ZNF727: variants seen among roughly 807,000 people sequenced by gnomAD.
ZNF727 encodes zinc finger protein 727.
A neutral mutation model predicts 11.5 loss-of-function variants in ZNF727; 11 were observed. The observed-to-expected ratio is 0.95, with a 90% CI of 0.60 to 1.58. ZNF727 has a LOEUF of 1.58. Among genes scored for constraint, ZNF727 ranks in the 40% most tolerant of loss-of-function variants. The pLI is 0.00. For missense variants in ZNF727, 533 were observed against 581.7 expected (o/e 0.92, Z 0.86); for synonymous variants, 171 against 196.1 (o/e 0.87, Z 1.07).
intron 1 of ZNF727, among the ~76,000 whole-genome samples, chr7:64,049,352 C>G (rs532745278): frequency 2.7e-4 from 41 of 151,736 alleles, no homozygotes; most frequent in Middle Eastern, 3.4e-3. Flanking sequence ...ACCTCTAAAC[C>G]CAGCAAGATT....
At chr7:64,051,153 C>T (rs1789591737) in intron 1 of ZNF727, among the ~76,000 whole-genome samples, 1 of 152,002 alleles carries the variant, frequency 6.6e-6, no homozygotes, top group African/African-American at 2.4e-5. Flanking sequence ...AACAAAGCAA[C>T]AAAAGTTTCC....
At chr7:64,050,388 T>C (rs973061741) in intron 1 of ZNF727, among the ~76,000 whole-genome samples, 1 of 152,062 alleles carries the variant, frequency 6.6e-6, no homozygotes, top group Non-Finnish European at 1.5e-5. Context: ...ACCCACAACT[T>C]CCGGGGCTTC....
Position 64,082,022 on chromosome 7 carries a change from G to A in ZNF727, c.*3473G>A, listed in dbSNP as rs951534622. Among the ~76,000 whole-genome samples the A allele has an allele frequency of 1.3e-5, 2 of 152,120 alleles. No homozygotes were observed. The highest frequency in any genetic ancestry group is 2.9e-5 in the Non-Finnish European group (2 of 68,026). On this transcript the variant is annotated 3_prime_UTR_variant, in exon 4 of 4. Coordinates refer to ENST00000456806, the MANE Select transcript of ZNF727 (RefSeq NM_001159522.3). ...GGGGTTCACTGGTAATGAGCAGTGG[G>A]TAGTTTGTGGGACCCATGGAGGATG...
chr7:64,047,424 C>G (rs1217066374), intron 1 of ZNF727, among the ~76,000 whole-genome samples: 1 of 152,228 alleles, frequency 6.6e-6, no homozygotes, highest in East Asian at 1.9e-4. Context: ...TCACCTGACG[C>G]TCTGCGCATC....
At chr7:64,072,821 T>C (rs1789983011) in intron 3 of ZNF727, among the ~76,000 whole-genome samples, 1 of 152,134 alleles carries the variant, frequency 6.6e-6, no homozygotes, top group African/African-American at 2.4e-5. Flanking sequence ...AATCAATCTT[T>C]AGTTCTAGCA....
intron 3 of ZNF727, among the ~76,000 whole-genome samples, chr7:64,074,327 T>C (rs994335702): frequency 1.6e-4 from 25 of 152,252 alleles, no homozygotes; most frequent in African/African-American, 6.0e-4. Context: ...GCTTTTGAAT[T>C]CTCTAAATCT....
In ZNF727 at chr7:64,059,804, C is replaced by T. The variant is rs184486001; in HGVS notation, c.4-9087C>T. The stretch of plus-strand genomic sequence containing the variant: ...CAACTTGAAGATAAAAGACATTTTG[C>T]TCTCCTCTTTAAAAATAATTTTAGA... On this transcript the variant is annotated intron_variant, in intron 1 of 3. Coordinates refer to ENST00000456806, the MANE Select transcript of ZNF727 (RefSeq NM_001159522.3). Among the ~76,000 whole-genome samples the T allele has an allele frequency of 1.6e-3, 240 of 152,232 alleles. 1 individual carries two copies. Among genetic ancestry groups the T allele is most frequent in the East Asian group, 1.4e-3 (7 of 5,178 alleles).
rs1004916151 is a variant in ZNF727, at chr7:64,083,990, G to C, written c.*5441G>C. ...ATTTAACTCTTACATTTGATGCTAT[G>C]TCTTCATTCTAGAATTTATGTGAAA... On this transcript the variant is annotated 3_prime_UTR_variant, in exon 4 of 4. Coordinates refer to ENST00000456806, the MANE Select transcript of ZNF727 (RefSeq NM_001159522.3). Among the ~76,000 whole-genome samples the C allele has an allele frequency of 1.3e-5, 2 of 152,126 alleles. No homozygotes were observed. Among genetic ancestry groups the C allele is most frequent in the Non-Finnish European group, 2.9e-5 (2 of 68,028 alleles).
chr7:64,068,813 C>G (rs551146648), intron 1 of ZNF727, 78 bp from the exon 2 acceptor site: 1 of 1,503,214 alleles, frequency 6.7e-7, no homozygotes, highest in African/African-American at 1.4e-5. Context: ...AGAACCAGCT[C>G]TCTTTACTCT....
chr7:64,075,071 C>T (rs1001499057), intron 3 of ZNF727, among the ~76,000 whole-genome samples: 3 of 151,844 alleles, frequency 2.0e-5, no homozygotes, highest in Non-Finnish European at 4.4e-5. Flanking sequence ...AATAGGCACA[C>T]CATATATTAA....
At chr7:64,053,129 G>A (rs750001435) in intron 1 of ZNF727, among the ~76,000 whole-genome samples, 3 of 152,074 alleles carry the variant, frequency 2.0e-5, no homozygotes, top group East Asian at 1.9e-4. Flanking sequence ...GTGAAGATAC[G>A]AGATTTAGGA....
At chr7:64,072,644 G>A (rs1369514631) in intron 3 of ZNF727, among the ~76,000 whole-genome samples, 2 of 152,108 alleles carry the variant, frequency 1.3e-5, no homozygotes, top group Non-Finnish European at 2.9e-5. Flanking sequence ...CTCTGGATGT[G>A]CAGAACCACT....
chr7:64,067,671 A>C, intron 1 of ZNF727, among the ~76,000 whole-genome samples: 1 of 152,162 alleles, frequency 6.6e-6, no homozygotes, highest in East Asian at 1.9e-4. Flanking sequence ...CTCACTCATA[A>C]GTGGGAGTCG....
intron 1 of ZNF727, among the ~76,000 whole-genome samples, chr7:64,066,902 A>G (rs924535563): frequency 2.0e-5 from 3 of 152,184 alleles, no homozygotes; most frequent in African/African-American, 7.2e-5. Flanking sequence ...CAATCTATCC[A>G]TCTGACAAAG....
intron 1 of ZNF727, among the ~76,000 whole-genome samples, chr7:64,062,802 T>A (rs1789794260): frequency 7.0e-6 from 1 of 143,064 alleles, no homozygotes; most frequent in African/African-American, 2.5e-5. Flanking sequence ...CTTGAGGCTA[T>A]TTTTTTTTTG....
rs140970193 is a variant in ZNF727 at position 64,074,933 on chromosome 7, G to C, written c.227-2343G>C. The stretch of plus-strand genomic sequence containing the variant: ...TCTTCTTTACTATGAAGATTACTAG[G>C]GCTGTGTCCTATATATATTTTTTTC... On this transcript the variant is annotated intron_variant, in intron 3 of 3. Coordinates refer to ENST00000456806, the MANE Select transcript of ZNF727 (RefSeq NM_001159522.3). Among the ~76,000 whole-genome samples the C allele has an allele frequency of 9.3e-4, 141 of 151,770 alleles. No homozygotes were observed. In the East Asian group the frequency reaches 0.02, roughly 22 times the overall value.
At chr7:64,050,130 C>T (rs185712693) in intron 1 of ZNF727, among the ~76,000 whole-genome samples, 342 of 151,790 alleles carry the variant, frequency 2.3e-3, no homozygotes, top group African/African-American at 7.9e-3. Context: ...AATCAACAAA[C>T]TAGTCATATT....
chr7:64,058,956 T>TTG (rs1362746912), intron 1 of ZNF727, among the ~76,000 whole-genome samples: 1 of 151,790 alleles, frequency 6.6e-6, no homozygotes, highest in Non-Finnish European at 1.5e-5. Flanking sequence ...TTGTCTTTTT[T>TTG]TTTTTTGAGA....
rs1584161368 is a variant in ZNF727 at position 64,082,447 on chromosome 7, G to A, written c.*3898G>A. On this transcript the variant is annotated 3_prime_UTR_variant, in exon 4 of 4. Transcript: ENST00000456806. ...TGTAAAACAGCAACAATGGCAGCAT[G>A]CCCTTTTTTCTAAGAGCTCCATCTA... Among the ~76,000 whole-genome samples the A allele has an allele frequency of 6.6e-6, 1 of 152,234 alleles. No individual in the cohort carries two copies. Among genetic ancestry groups the A allele is most frequent in the Non-Finnish European group, 1.5e-5 (1 of 68,052 alleles).
Sources: gnomAD v4.1 joint callset for allele counts (sites outside exome capture counted in the v4.1 genomes callset) on GRCh38, gnomAD v4.1.1 for gene constraint, MANE v1.5 for transcripts, NCBI Gene and HGNC (gene_info 2026-07-23, HGNC 2026-07-21) for gene names.